The following SGCD variants were observed in gnomAD, a reference collection of about 807,000 sequenced individuals.
SGCD encodes the protein sarcoglycan delta, also known as delta-sarcoglycan.
A neutral mutation model predicts 36.6 loss-of-function variants in SGCD; 18 were observed. The ratio of observed to expected loss-of-function variants is 0.49; its 90% CI spans 0.34 to 0.73. SGCD has a LOEUF of 0.73. Among genes scored for constraint, SGCD ranks in the 30% least tolerant of loss-of-function variants. The pLI is 0.01. For missense variants in SGCD, 387 were observed against 346.7 expected, an observed-to-expected ratio of 1.12 and a Z score of -0.92; for synonymous variants, 133 against 130.6, an observed-to-expected ratio of 1.02 and a Z score of -0.12.
intron 3 of SGCD, among the ~76,000 whole-genome samples, chr5:156,364,910 G>A (rs1054352799): frequency 6.6e-6 from 1 of 152,168 alleles, no homozygotes; most frequent in African/African-American, 2.4e-5. Flanking sequence ...CAAGCTATGA[G>A]ACCTTGGGCA....
chr5:156,558,580 G>T (rs1254900782), intron 4 of SGCD, among the ~76,000 whole-genome samples: 1 of 152,144 alleles, frequency 6.6e-6, no homozygotes, highest in Non-Finnish European at 1.5e-5. Context: ...AGATGGATCA[G>T]ATGTTATTAT....
chr5:156,403,139 C>G (rs1017554060), intron 3 of SGCD, among the ~76,000 whole-genome samples: 3 of 152,182 alleles, frequency 2.0e-5, no homozygotes, highest in Non-Finnish European at 4.4e-5. Context: ...CCAACCCACC[C>G]TGCCGCCTTT....
intron 3 of SGCD, among the ~76,000 whole-genome samples, chr5:156,143,398 G>T (rs1480084206): frequency 6.6e-6 from 1 of 152,214 alleles, no homozygotes; most frequent in African/African-American, 2.4e-5. Flanking sequence ...CCCCCATAGA[G>T]AGTCCCCACT....
intron 3 of SGCD, among the ~76,000 whole-genome samples, chr5:156,168,391 C>A (rs867079943): frequency 2.0e-5 from 3 of 150,732 alleles, no homozygotes; most frequent in Middle Eastern, 3.4e-3. Flanking sequence ...AAAAAATGGG[C>A]AACATAGAGA....
chr5:156,098,639 T>C (rs970706980), intron 1 of SGCD, among the ~76,000 whole-genome samples: 300 of 149,402 alleles, frequency 2.0e-3, no homozygotes, highest in Non-Finnish European at 3.3e-3. Flanking sequence ...TGCATGTGTA[T>C]ACACACACAC....
intron 1 of SGCD, among the ~76,000 whole-genome samples, chr5:156,051,684 GTAAAAAACTAA>G (rs1463969017): frequency 6.8e-6 from 1 of 146,004 alleles, no homozygotes; most frequent in Non-Finnish European, 1.5e-5. Context: ...GACAGAAAAA[GTAAAAAACTAA>G]ACAAACAAAT....
At chr5:156,596,452 T>C (rs1760929753) in intron 6 of SGCD, among the ~76,000 whole-genome samples, 1 of 152,208 alleles carries the variant, frequency 6.6e-6, no homozygotes, top group African/African-American at 2.4e-5. Context: ...ATCATCTATG[T>C]AAAGTACTGA....
intron 3 of SGCD, among the ~76,000 whole-genome samples, chr5:156,293,512 G>A (rs929642095): frequency 6.6e-6 from 1 of 152,088 alleles, no homozygotes; most frequent in African/African-American, 2.4e-5. Flanking sequence ...GTTAGGGAAG[G>A]AGTCAGCTTC....
At chr5:156,735,698 T>A (rs914030035) in intron 7 of SGCD, among the ~76,000 whole-genome samples, 34 of 152,124 alleles carry the variant, frequency 2.2e-4, no homozygotes, top group African/African-American at 8.2e-4. Context: ...GTGGGTCTTA[T>A]CCTGTGAGGT....
intron 1 of SGCD, among the ~76,000 whole-genome samples, chr5:156,013,376 CTTAAAA>C (rs1381849468): frequency 6.6e-5 from 10 of 152,140 alleles, no homozygotes; most frequent in African/African-American, 1.7e-4. Flanking sequence ...GAAAGTAGAA[CTTAAAA>C]TTAAAGTGAG....
intron 7 of SGCD, among the ~76,000 whole-genome samples, chr5:156,747,724 A>G (rs1220850482): frequency 2.6e-5 from 4 of 152,136 alleles, no homozygotes; most frequent in Non-Finnish European, 5.9e-5. Flanking sequence ...GCCATATTCT[A>G]CTTGTGTAGA....
chr5:156,292,126 A>G (rs1475279610), intron 3 of SGCD, among the ~76,000 whole-genome samples: 1 of 152,110 alleles, frequency 6.6e-6, no homozygotes, highest in Non-Finnish European at 1.5e-5. Context: ...TTCACTTAAC[A>G]TCAGGTCCTC....
chr5:156,343,717 T>TTC (rs1768791240), intron 2 of SGCD, among the ~76,000 whole-genome samples: 1 of 152,130 alleles, frequency 6.6e-6, no homozygotes, highest in South Asian at 2.1e-4. Flanking sequence ...CTTTTCTAAT[T>TTC]TCTCTCTCTC....
chr5:155,969,514 A>G (rs1757967624), intron 1 of SGCD, among the ~76,000 whole-genome samples: 1 of 152,150 alleles, frequency 6.6e-6, no homozygotes. Context: ...TGTGTGTTGA[A>G]GAATGGCCCA....
At chr5:156,173,406 C>A (rs1763388130) in intron 3 of SGCD, among the ~76,000 whole-genome samples, 1 of 151,962 alleles carries the variant, frequency 6.6e-6, no homozygotes, top group Admixed American at 6.5e-5. Flanking sequence ...AATATACAAA[C>A]CCACAAATTA....
rs1389771040 is a variant in SGCD at position 156,423,398 on chromosome 5, TTATTA to T, written c.192+78724_192+78728del. ...TTATTATAATATAATATATTATATT[TTATTA>T]TAATATAATATATTATATTTTAATA... On this transcript the variant is annotated intron_variant, in intron 3 of 8. Coordinates refer to ENST00000337851, the MANE Select transcript of SGCD (RefSeq NM_000337.6). 3.6e-4 allele frequency among the ~76,000 whole-genome samples: 28 copies of T among 76,876 alleles called. 1 individual carries two copies. The highest frequency in any genetic ancestry group is 2.7e-3 in the South Asian group (7 of 2,592). The allele number at this position is 76,876 out of a possible 152,430, so 50.4% of individuals were successfully genotyped here.
the SGCD span, among the ~76,000 whole-genome samples, chr5:155,863,463 C>A: frequency 0.019 from 2,825 of 152,008 alleles, 63 homozygotes; most frequent in East Asian, 0.13. Flanking sequence ...TATTTCCTTA[C>A]CTTCAGGTTT....
At chr5:156,409,410 C>A (rs181302536) in intron 3 of SGCD, among the ~76,000 whole-genome samples, 1 of 152,188 alleles carries the variant, frequency 6.6e-6, no homozygotes, top group South Asian at 2.1e-4. Flanking sequence ...TTAAAGATAA[C>A]GCAGTTCTTC....
chr5:155,906,945 C>T (rs1028664310), intron 1 of SGCD, among the ~76,000 whole-genome samples: 4 of 151,526 alleles, frequency 2.6e-5, no homozygotes, highest in African/African-American at 7.3e-5. Flanking sequence ...TAATATAGTA[C>T]TTTCATAGCT....
Sources: allele counts gnomAD v4.1 joint callset (sites outside exome capture counted in the v4.1 genomes callset), GRCh38; gene constraint gnomAD v4.1.1; transcripts MANE v1.5; gene names NCBI Gene and HGNC (gene_info 2026-07-23, HGNC 2026-07-21).